Variants in OXCT1 observed in about 807,000 individuals in gnomAD.
OXCT1 encodes the protein succinyl-CoA:3-ketoacid coenzyme A transferase 1, mitochondrial.
OXCT1 carries 27 observed loss-of-function variants against 69.6 expected under a neutral mutation model. The observed-to-expected ratio is 0.39, with a 90% CI of 0.29 to 0.54. The LOEUF (loss-of-function observed/expected upper bound fraction) is 0.54, where lower values mean the gene tolerates loss of function less well. Ranked by LOEUF, OXCT1 falls within the 20% of genes least tolerant of loss-of-function variation. The pLI is 0.72. For synonymous variants in OXCT1, 202 were observed against 217.8 expected (o/e 0.93, Z 0.64); for missense variants, 437 against 650.2 (o/e 0.67, Z 3.57).
chr5:41,747,622 T>C (rs1743562143), intron 15 of OXCT1, among the ~76,000 whole-genome samples: 1 of 151,906 alleles, frequency 6.6e-6, no homozygotes, highest in Admixed American at 6.6e-5. Flanking sequence ...GCTAGATGGA[T>C]GGGGTGGGAA....
chr5:41,855,563 T>C (rs1561132487), intron 3 of OXCT1, among the ~76,000 whole-genome samples: 1 of 151,734 alleles, frequency 6.6e-6, no homozygotes, highest in Non-Finnish European at 1.5e-5. Context: ...AGAGCTTGTG[T>C]CATCTACACA....
intron 15 of OXCT1, among the ~76,000 whole-genome samples, chr5:41,743,626 C>G (rs370231523): frequency 1.1e-4 from 16 of 152,050 alleles, no homozygotes; most frequent in South Asian, 2.1e-4. Flanking sequence ...TAACATTTAA[C>G]TCTTTAATCC....
intron 7 of OXCT1, among the ~76,000 whole-genome samples, chr5:41,831,266 G>C (rs757189586): frequency 6.6e-6 from 1 of 152,070 alleles, no homozygotes; most frequent in African/African-American, 2.4e-5. Flanking sequence ...CTTGCCTCAG[G>C]CCTCTGCACG....
intron 15 of OXCT1, among the ~76,000 whole-genome samples, chr5:41,741,851 AAATGGATAATTTAGGAATGTTTGT>A (rs1366282378): frequency 2.0e-5 from 3 of 152,236 alleles, no homozygotes; most frequent in Admixed American, 2.0e-4. Flanking sequence ...GGAAAAAAAT[AAATGGATAATTTAGGAATGTTTGT>A]ATACTCATTA....
intron 16 of OXCT1, among the ~76,000 whole-genome samples, chr5:41,738,630 C>T (rs577625472): frequency 6.6e-6 from 1 of 152,314 alleles, no homozygotes; most frequent in East Asian, 1.9e-4. Context: ...TGGACTAATA[C>T]ACTTTCCTTC....
chr5:41,809,069 C>G (rs897148964), intron 7 of OXCT1, among the ~76,000 whole-genome samples: 3 of 124,270 alleles, frequency 2.4e-5, no homozygotes, highest in African/African-American at 1.3e-4. Flanking sequence ...ATTATGCACT[C>G]ATAATATTTA....
intron 7 of OXCT1, among the ~76,000 whole-genome samples, chr5:41,814,580 A>G (rs1438454654): frequency 1.3e-5 from 2 of 152,078 alleles, no homozygotes; most frequent in African/African-American, 4.8e-5. Flanking sequence ...TTGTAGGGAC[A>G]TGGATGAAAT....
intron 7 of OXCT1, among the ~76,000 whole-genome samples, chr5:41,807,945 G>T (rs1267014771): frequency 6.6e-6 from 1 of 151,926 alleles, no homozygotes; most frequent in Non-Finnish European, 1.5e-5. Context: ...AGCTTCCTAG[G>T]ATCGTGATAC....
At chr5:41,747,311 C>T (rs967955611) in intron 15 of OXCT1, among the ~76,000 whole-genome samples, 7 of 152,068 alleles carry the variant, frequency 4.6e-5, no homozygotes, top group African/African-American at 1.7e-4. Context: ...TACATGTTTT[C>T]TTCCTTTTTT....
At position 41,731,407 on chromosome 5, in the gene OXCT1, C is replaced by T. The variant is rs1742614150; in HGVS notation, c.*322G>A. 9.4e-7 allele frequency: 1 copy of T among 1,063,208 alleles called. No individual in the cohort carries two copies. Among genetic ancestry groups the T allele is most frequent in the Non-Finnish European group, 1.1e-6 (1 of 873,580 alleles). The allele number at this position is 1,063,208 out of a possible 1,614,324, so 65.9% of individuals were successfully genotyped here. On this transcript the variant is annotated 3_prime_UTR_variant, in exon 17 of 17. Coordinates refer to ENST00000196371, the MANE Select transcript of OXCT1 (RefSeq NM_000436.4). ...TTTAAGAGGAAAGCCACATCAATTTCTAGGGCCCTTCTTGGGGAAAGGTTC... is the reference window on the plus strand; with the variant it reads ...TTTAAGAGGAAAGCCACATCAATTTTTAGGGCCCTTCTTGGGGAAAGGTTC...
At chr5:41,795,326 G>A (rs1490215539) in intron 11 of OXCT1, among the ~76,000 whole-genome samples, 2 of 152,140 alleles carry the variant, frequency 1.3e-5, no homozygotes, top group Non-Finnish European at 2.9e-5. Flanking sequence ...ACCGGTACTG[G>A]TCCACAGCCC....
At chr5:41,757,138 G>A (rs1001864357) in intron 14 of OXCT1, among the ~76,000 whole-genome samples, 4 of 151,888 alleles carry the variant, frequency 2.6e-5, no homozygotes, top group African/African-American at 7.3e-5. Context: ...ACATTTTGGC[G>A]AAAAAAATCA....
intron 11 of OXCT1, among the ~76,000 whole-genome samples, chr5:41,795,258 C>T (rs1340529470): frequency 1.3e-5 from 2 of 152,152 alleles, no homozygotes; most frequent in Admixed American, 6.5e-5. Context: ...TGGTAATGCT[C>T]GTTTGCTCGC....
chr5:41,865,939 T>C (rs189141431), intron 1 of OXCT1, among the ~76,000 whole-genome samples: 2 of 152,052 alleles, frequency 1.3e-5, no homozygotes, highest in East Asian at 3.9e-4. Context: ...GTTTTAATTT[T>C]AATTGTATAT....
chr5:41,835,581 CT>C (rs1446293171), intron 7 of OXCT1, among the ~76,000 whole-genome samples: 1 of 152,214 alleles, frequency 6.6e-6, no homozygotes, highest in Admixed American at 6.5e-5. Context: ...ATCGTATCAT[CT>C]AAGCAATTCT....
intron 3 of OXCT1, among the ~76,000 whole-genome samples, chr5:41,859,770 T>A (rs1202112158): frequency 6.6e-6 from 1 of 150,410 alleles, no homozygotes; most frequent in African/African-American, 2.5e-5. Flanking sequence ...GCCTTTATCT[T>A]GAGGTTCAAA....
chr5:41,829,363 C>T (rs971971092), intron 7 of OXCT1, among the ~76,000 whole-genome samples: 2 of 152,062 alleles, frequency 1.3e-5, no homozygotes, highest in African/African-American at 4.8e-5. Context: ...ATAAAATTCA[C>T]CAATCCATCA....
At chr5:41,733,244 CTTT>C (rs35461928) in intron 16 of OXCT1, among the ~76,000 whole-genome samples, 9 of 128,032 alleles carry the variant, frequency 7.0e-5, no homozygotes, top group African/African-American at 8.8e-5. Flanking sequence ...TTTAGTGAAA[CTTT>C]TTTTTTTTTT....
intron 12 of OXCT1, 48 bp downstream of exon 12, chr5:41,794,629 A>G (rs764285710): frequency 6.5e-7 from 1 of 1,529,060 alleles, no homozygotes; most frequent in South Asian, 1.1e-5. Flanking sequence ...ACGATGACTC[A>G]GCTCATTCCA....
Sources: allele counts gnomAD v4.1 joint callset (sites outside exome capture counted in the v4.1 genomes callset), GRCh38; gene constraint gnomAD v4.1.1; transcripts MANE v1.5; gene names NCBI Gene and HGNC (gene_info 2026-07-23, HGNC 2026-07-21).